OPALIN: variants seen among roughly 807,000 people sequenced by gnomAD.
The protein encoded by OPALIN is transmembrane protein 10.
In OPALIN, 15 loss-of-function variants were observed where a neutral mutation model predicts 17.8. The ratio of observed to expected loss-of-function variants is 0.84; its 90% CI spans 0.56 to 1.29. The LOEUF is 1.29. Among genes scored for constraint, OPALIN ranks in the 50% most tolerant of loss-of-function variants. OPALIN has a pLI of 0.00. For synonymous variants in OPALIN, 62 were observed against 63.8 expected (o/e 0.97, Z 0.14); for missense variants, 170 against 176.0 (o/e 0.97, Z 0.19).
intron 1 of OPALIN, among the ~76,000 whole-genome samples, chr10:96,357,959 G>A (rs759968153): frequency 9.2e-5 from 14 of 151,988 alleles, no homozygotes; most frequent in Non-Finnish European, 1.5e-4. Context: ...GAGGAAGGAG[G>A]AAGAGACAGG....
At position 96,343,525 on chromosome 10, in the gene OPALIN, G is replaced by A. The variant is rs1050204034; in HGVS notation, c.*2416C>T. ...TCCACTTTACAAGTACAGAACTGAG[G>A]CTCTGGATGATCAACAATCGGCCCA... is the stretch of plus-strand genomic sequence containing the variant. On this transcript the variant is annotated 3_prime_UTR_variant, in exon 6 of 6. Coordinates refer to ENST00000371172, the MANE Select transcript of OPALIN (RefSeq NM_033207.5). The A allele has an allele frequency of 6.6e-6, 1 of 152,190 alleles. No individual in the cohort carries two copies. The highest frequency in any genetic ancestry group is 2.4e-5 in the African/African-American group (1 of 41,434). 9.4% of individuals were successfully genotyped at this position (152,190 alleles called of 1,614,324 possible).
Position 96,351,363 on chromosome 10 carries a change from A to C in OPALIN, c.72+15T>G. The C allele has an allele frequency of 6.9e-7, 1 of 1,442,304 alleles. No individual in the cohort carries two copies. The highest frequency in any genetic ancestry group is 2.3e-5 in the East Asian group (1 of 42,640). The allele number at this position is 1,442,304 out of a possible 1,614,324, so 89.3% of individuals were successfully genotyped here. A position where few individuals can be genotyped will look rare whatever the true frequency, so the allele number is the denominator to read the frequency against. On this transcript the variant is annotated intron_variant, in intron 3 of 5. Coordinates refer to ENST00000371172, the MANE Select transcript of OPALIN (RefSeq NM_033207.5). ...ATTATTATCCCCATTTTATAAATTT[A>C]AGTGATATAGTTACCGTTTCTTTCC...
chr10:96,356,487 C>T (rs199937211), intron 1 of OPALIN, among the ~76,000 whole-genome samples: 48 of 152,280 alleles, frequency 3.2e-4, no homozygotes, highest in South Asian at 2.1e-4. Flanking sequence ...GAAATCACCT[C>T]ATGGACAAAT....
intron 1 of OPALIN, chr10:96,357,117 C>T (rs1219722795): frequency 4.5e-5 from 44 of 985,338 alleles, no homozygotes; most frequent in East Asian, 1.1e-4. Context: ...ACGCTAGCAC[C>T]AGACCAACAC....
At chr10:96,347,356 A>G (rs1371252772) in intron 5 of OPALIN, among the ~76,000 whole-genome samples, 6 of 151,938 alleles carry the variant, frequency 3.9e-5, no homozygotes, top group African/African-American at 1.5e-4. Flanking sequence ...GGCCTCCCAA[A>G]GTGCTGAGAT....
intron 3 of OPALIN, 140 bp from the exon 4 acceptor site, chr10:96,349,966 TACTGTGCAAAAATGTTTGTAACACACATG>T: frequency 1.8e-5 from 16 of 904,312 alleles, no homozygotes; most frequent in Non-Finnish European, 2.4e-5. Flanking sequence ...GGTAATGAAA[TACTGTGCAAAAATGTTTGTAACACACATG>T]ACAAATGACT....
Position 96,349,713 on chromosome 10 carries a change from G to A in OPALIN, c.186C>T (p.Ala62=), listed in dbSNP as rs1845490439. Residue 62 remains alanine, a synonymous_variant, in exon 4 of 6, where the codon GCC becomes GCT. Transcript: ENST00000371172. Reference sequence around the variant, plus strand: ...CAAAGAAGCTAGTAATCACCTCCATGGCCTCAATGCTGCTTCTTCTTCGGT... The same window carrying A: ...CAAAGAAGCTAGTAATCACCTCCATAGCCTCAATGCTGCTTCTTCTTCGGT... The part of the protein sequence containing the change: ...LIHRRRSSIE[A]MEESDRPCEI... 3 of 1,613,396 alleles carry A rather than the reference G, an allele frequency of 1.9e-6. No homozygotes were observed. In the African/African-American group the frequency reaches 4.0e-5, roughly 22 times the overall value.
Position 96,349,778 on chromosome 10 carries a change from C to A in OPALIN, c.121G>T (p.Ala41Ser), listed in dbSNP as rs35821065. The A allele has an allele frequency of 6.8e-3, 10,892 of 1,613,414 alleles. 45 individuals are homozygous for A. Among genetic ancestry groups the A allele is most frequent in the Non-Finnish European group, 8.1e-3 (9,521 of 1,179,604 alleles). ...AGTAAAGCCACCAGCAGGGCTGTGGCCACCAGCAATGGTATGCCCGCCGCT... is the reference window on the plus strand; with the variant it reads ...AGTAAAGCCACCAGCAGGGCTGTGGACACCAGCAATGGTATGCCCGCCGCT... The part of the protein sequence containing the change: ...GLAAGIPLLV[A>S]TALLVALLFT... The change falls in exon 4 of 6, where the codon GCC becomes TCC. Residue 41 changes from alanine to serine, a missense_variant. Ala to Ser is a moderately conservative substitution (Grantham distance 99, BLOSUM62 1). Coordinates refer to ENST00000371172, the MANE Select transcript of OPALIN (RefSeq NM_033207.5).
At chr10:96,353,439 T>A (rs1304271039) in intron 2 of OPALIN, 2 of 1,613,552 alleles carry the variant, frequency 1.2e-6, no homozygotes, top group Non-Finnish European at 1.7e-6. Context: ...CCAGGCAGGA[T>A]GACCTACCAT....
rs200258738 is a variant in OPALIN at position 96,346,078 on chromosome 10, C to T, written c.289G>A (p.Gly97Arg). ...RSPTHEKNTMGAQEAHIYVKT... is the reference protein window; with the variant it reads ...RSPTHEKNTMRAQEAHIYVKT... ...ACATATATGTGGGCCTCTTGTGCTC[C>T]CATCGTATTCTTCTCATGTGTGGGT... The change falls in exon 6 of 6, where the codon GGA becomes AGA. Residue 97 changes from glycine (G) to arginine (R), a missense_variant. Coordinates refer to ENST00000371172, the MANE Select transcript of OPALIN (RefSeq NM_033207.5). The T allele has an allele frequency of 6.2e-7, 1 of 1,614,066 alleles. No individual in the cohort carries two copies. The highest frequency in any genetic ancestry group is 8.5e-7 in the Non-Finnish European group (1 of 1,179,942).
In OPALIN at chr10:96,349,632, C is replaced by T. The variant is rs1845486740; in HGVS notation, c.192+75G>A. The T allele has an allele frequency of 2.0e-6, 3 of 1,518,858 alleles. No homozygotes were observed. In the African/African-American group the frequency reaches 4.2e-5, roughly 21 times the overall value. 94.1% of individuals were successfully genotyped at this position (1,518,858 alleles called of 1,614,324 possible). A position where few individuals can be genotyped will look rare whatever the true frequency, so the allele number is the denominator to read the frequency against. On this transcript the variant is annotated intron_variant, in intron 4 of 5. Coordinates refer to ENST00000371172, the MANE Select transcript of OPALIN (RefSeq NM_033207.5). ...AGACATGGGCCCTGAATTCTGACAC[C>T]CTTAGTCCAAAAGCCAGTTCACTGA...
rs1244558878 is a variant in OPALIN at position 96,357,695 on chromosome 10, C to T, written c.3+1199G>A. Among the ~76,000 whole-genome samples, 3 of 152,182 alleles carry T rather than the reference C, an allele frequency of 2.0e-5. No individual in the cohort carries two copies. In the South Asian group the frequency reaches 6.2e-4, roughly 31 times the overall value. On this transcript the variant is annotated intron_variant, in intron 1 of 5. Coordinates refer to ENST00000371172, the MANE Select transcript of OPALIN (RefSeq NM_033207.5). Reference sequence around the variant, plus strand: ...AGCTCCTTTCTCCCAAACTGTAAAACACCCTCTGTGTTTTAGGGATCACGT... The same window carrying T: ...AGCTCCTTTCTCCCAAACTGTAAAATACCCTCTGTGTTTTAGGGATCACGT...
At chr10:96,357,243 G>C (rs1845858727) in intron 1 of OPALIN, 4 of 781,924 alleles carry the variant, frequency 5.1e-6, no homozygotes, top group Non-Finnish European at 4.7e-6. Context: ...TCCTTTGGGA[G>C]GACAGTAGAA....
Position 96,351,385 on chromosome 10 carries a change from T to C in OPALIN, c.65A>G (p.Lys22Arg). The C allele has an allele frequency of 6.5e-7, 1 of 1,534,500 alleles. No homozygotes were observed. Among genetic ancestry groups the C allele is most frequent in the Non-Finnish European group, 8.8e-7 (1 of 1,130,598 alleles). ...NTTSSPVTGG[K>R]ETDCGPSLGL... is the part of the protein sequence containing the mutation. Reference sequence around the variant, plus strand: ...TTTAAGTGATATAGTTACCGTTTCTTTCCCACCTGTGACAGGAGAGGACGT... The same window carrying C: ...TTTAAGTGATATAGTTACCGTTTCTCTCCCACCTGTGACAGGAGAGGACGT... Residue 22 changes from lysine to arginine, a missense_variant, in exon 3 of 6, where the codon AAA becomes AGA. Coordinates refer to ENST00000371172, the MANE Select transcript of OPALIN (RefSeq NM_033207.5).
At position 96,358,962 on chromosome 10, in the gene OPALIN, T is replaced by A; in HGVS notation, c.-66A>T. Reference sequence around the variant, plus strand: ...TGGTAAGCTCCTTTCTCACTGGCTTTATTGGCTTGTGTCTTTCATTTGTAG... The same window carrying A: ...TGGTAAGCTCCTTTCTCACTGGCTTAATTGGCTTGTGTCTTTCATTTGTAG... On this transcript the variant is annotated 5_prime_UTR_variant, in exon 1 of 6. It removes the in-frame stop codon of an upstream open reading frame in the 5' UTR. Transcript: ENST00000371172. 6.4e-7 allele frequency: 1 copy of A among 1,559,846 alleles called. No homozygotes were observed. The highest frequency in any genetic ancestry group is 8.8e-7 in the Non-Finnish European group (1 of 1,130,530).
At chr10:96,347,883 A>G (rs1845405902) in intron 5 of OPALIN, among the ~76,000 whole-genome samples, 1 of 152,240 alleles carries the variant, frequency 6.6e-6, no homozygotes, top group Non-Finnish European at 1.5e-5. Context: ...TCTAAAGAGA[A>G]TGCTTTCAAC....
At chr10:96,353,483 G>T (rs780316233) in intron 2 of OPALIN, 30 of 1,563,978 alleles carry the variant, frequency 1.9e-5, no homozygotes, top group Non-Finnish European at 2.5e-5. Flanking sequence ...AGGACTTTCA[G>T]TGCTAAAAAC....
Position 96,344,714 on chromosome 10 carries a change from C to T in OPALIN, c.*1227G>A, listed in dbSNP as rs1028304116. On this transcript the variant is annotated 3_prime_UTR_variant, in exon 6 of 6. Transcript: ENST00000371172. ...TAAGGGCTCTTGTTTAATCTGAAGC[C>T]TTTAAAAAATAAAATAAAAGAAGTT... 4 of 151,934 alleles carry T rather than the reference C, an allele frequency of 2.6e-5. No individual in the cohort carries two copies. The highest frequency in any genetic ancestry group is 9.7e-5 in the African/African-American group (4 of 41,372). The allele number at this position is 151,934 out of a possible 1,614,324, so 9.4% of individuals were successfully genotyped here.
intron 5 of OPALIN, 128 bp from the exon 6 acceptor site, chr10:96,346,245 A>C (rs1195358162): frequency 2.6e-6 from 2 of 767,372 alleles, no homozygotes; most frequent in Non-Finnish European, 4.3e-6. Flanking sequence ...TTGAAGCAAT[A>C]GTTTTCAAGA....
Sources: allele counts gnomAD v4.1 joint callset (sites outside exome capture counted in the v4.1 genomes callset), GRCh38; gene constraint gnomAD v4.1.1; transcripts MANE v1.5; gene names NCBI Gene and HGNC (gene_info 2026-07-23, HGNC 2026-07-21).